The following GRM3 variants were observed in gnomAD, a reference collection of about 807,000 sequenced individuals.
GRM3 encodes glutamate metabotropic receptor 3.
A neutral mutation model predicts 70.5 loss-of-function variants in GRM3; 26 were observed. That is an observed-to-expected ratio of 0.37 (90% CI 0.27 to 0.51). The LOEUF (loss-of-function observed/expected upper bound fraction) is 0.51. Among genes scored for constraint, GRM3 ranks in the 20% least tolerant of loss-of-function variants. The pLI, the probability that GRM3 is intolerant of heterozygous loss-of-function variation, is 0.93. For missense variants in GRM3, 859 were observed against 1,123.8 expected (o/e 0.76, Z 3.37); for synonymous variants, 443 against 434.9 (o/e 1.02, Z -0.23).
At chr7:86,656,312 C>A (rs1358960922) in intron 1 of GRM3, among the ~76,000 whole-genome samples, 6 of 125,514 alleles carry the variant, frequency 4.8e-5, no homozygotes, top group African/African-American at 1.5e-4. Context: ...GTTGCCCAGG[C>A]TGGAGTGCAG....
At chr7:86,648,009 T>C (rs2115754696) in intron 1 of GRM3, among the ~76,000 whole-genome samples, 1 of 152,356 alleles carries the variant, frequency 6.6e-6, no homozygotes, top group South Asian at 2.1e-4. Context: ...ATTCCTATTA[T>C]AAACCTTCTG....
intron 1 of GRM3, among the ~76,000 whole-genome samples, chr7:86,660,283 T>A (rs1331522961): frequency 6.6e-6 from 1 of 152,046 alleles, no homozygotes; most frequent in African/African-American, 2.4e-5. Context: ...GCGAATTAAT[T>A]GTGCAGTTTA....
chr7:86,652,391 C>T (rs1050209669), intron 1 of GRM3, among the ~76,000 whole-genome samples: 16 of 152,080 alleles, frequency 1.1e-4, no homozygotes, highest in African/African-American at 2.9e-4. Flanking sequence ...AGTGCAGTGA[C>T]GCAATCTCGG....
chr7:86,850,276 G>C, intron 4 of GRM3, 94 bp from the exon 5 acceptor site: 1 of 782,196 alleles, frequency 1.3e-6, no homozygotes, highest in Non-Finnish European at 2.2e-6. Context: ...AATTATTCTG[G>C]ATTTTTCATT....
chr7:86,789,829 G>A (rs974281633), intron 3 of GRM3, among the ~76,000 whole-genome samples: 2 of 152,340 alleles, frequency 1.3e-5, no homozygotes, highest in South Asian at 4.1e-4. Context: ...GTACTCAGAT[G>A]TGTTCCCACT....
intron 1 of GRM3, among the ~76,000 whole-genome samples, chr7:86,688,762 T>A (rs1794625983): frequency 6.7e-6 from 1 of 148,322 alleles, no homozygotes; most frequent in African/African-American, 2.5e-5. Flanking sequence ...TATATATCTC[T>A]CACATATATA....
intron 5 of GRM3, among the ~76,000 whole-genome samples, chr7:86,857,757 A>AT (rs1798877103): frequency 6.6e-6 from 1 of 152,126 alleles, no homozygotes; most frequent in African/African-American, 2.4e-5. Flanking sequence ...CTGAAAACAT[A>AT]TTTTGATAGA....
At chr7:86,671,473 C>A (rs802453) in intron 1 of GRM3, among the ~76,000 whole-genome samples, 5 of 152,178 alleles carry the variant, frequency 3.3e-5, no homozygotes, top group African/African-American at 1.2e-4. Context: ...TTACCAAATT[C>A]TGTGCCCATA....
At position 86,812,005 on chromosome 7, in the gene GRM3, G is replaced by C. The variant is rs370710816; in HGVS notation, c.1324+24889G>C. ...TATATAATAAGTTTCTGTACTTACA[G>C]ACTGTACACTCAGTAATGATAAAGA... is the stretch of plus-strand genomic sequence containing the variant. On this transcript the variant is annotated intron_variant, in intron 3 of 5. Transcript: ENST00000361669. Among the ~76,000 whole-genome samples, 28 of 151,606 alleles carry C rather than the reference G, an allele frequency of 1.8e-4. No individual in the cohort carries two copies. The East Asian group carries it at 5.0e-3, about 27-fold the overall frequency.
chr7:86,850,053 T>G (rs768361614), intron 4 of GRM3, among the ~76,000 whole-genome samples: 5 of 152,330 alleles, frequency 3.3e-5, no homozygotes, highest in South Asian at 2.1e-4. Context: ...CTATTTAAGA[T>G]TCCACCTTCT....
intron 3 of GRM3, among the ~76,000 whole-genome samples, chr7:86,815,236 C>T (rs1257931184): frequency 2.0e-5 from 3 of 151,700 alleles, no homozygotes; most frequent in African/African-American, 4.8e-5. Flanking sequence ...CAGGAGCTTG[C>T]CTTCACATTA....
At chr7:86,806,063 G>A (rs980987700) in intron 3 of GRM3, among the ~76,000 whole-genome samples, 1 of 151,994 alleles carries the variant, frequency 6.6e-6, no homozygotes, top group Non-Finnish European at 1.5e-5. Context: ...CCATGTCCCT[G>A]CAAAGGACAT....
intron 4 of GRM3, among the ~76,000 whole-genome samples, chr7:86,842,993 AGAAG>A (rs1378000862): frequency 6.6e-6 from 1 of 152,146 alleles, no homozygotes; most frequent in Non-Finnish European, 1.5e-5. Flanking sequence ...AGAACCAACC[AGAAG>A]GAAGCCATAT....
At chr7:86,782,043 C>T (rs1797078837) in intron 2 of GRM3, among the ~76,000 whole-genome samples, 1 of 152,148 alleles carries the variant, frequency 6.6e-6, no homozygotes, top group Non-Finnish European at 1.5e-5. Flanking sequence ...ATGCTGATTC[C>T]TAGTACTTTC....
At chr7:86,692,733 CA>C (rs1240627272) in intron 1 of GRM3, among the ~76,000 whole-genome samples, 1 of 152,094 alleles carries the variant, frequency 6.6e-6, no homozygotes, top group Non-Finnish European at 1.5e-5. Context: ...ACATACTAGG[CA>C]CATAAAATAT....
chr7:86,814,762 T>C (rs1378018699), intron 3 of GRM3, among the ~76,000 whole-genome samples: 3 of 151,382 alleles, frequency 2.0e-5, no homozygotes, highest in Non-Finnish European at 4.4e-5. Context: ...TTAATCTCTT[T>C]ATAATTGCAA....
chr7:86,724,367 C>A lies in GRM3; in HGVS notation c.-140-40639C>A, dbSNP rs145554517. Among the ~76,000 whole-genome samples the A allele has an allele frequency of 1.7e-3, 266 of 152,248 alleles. 5 individuals carry two copies. In the East Asian group the frequency reaches 0.041, roughly 24 times the overall value. Reference sequence around the variant, plus strand: ...GCAAGGCACTAACAGTAGAATTGAACTTTCATTAGTGCAGAGTGTAACCAC... The same window carrying A: ...GCAAGGCACTAACAGTAGAATTGAAATTTCATTAGTGCAGAGTGTAACCAC... On this transcript the variant is annotated intron_variant, in intron 1 of 5. Coordinates refer to ENST00000361669, the MANE Select transcript of GRM3 (RefSeq NM_000840.3).
chr7:86,770,556 G>A (rs1796713977), intron 2 of GRM3, among the ~76,000 whole-genome samples: 1 of 151,960 alleles, frequency 6.6e-6, no homozygotes, highest in Non-Finnish European at 1.5e-5. Flanking sequence ...TGGGGAAGAG[G>A]GAAGAGCATA....
At chr7:86,714,438 G>A (rs1430970614) in intron 1 of GRM3, among the ~76,000 whole-genome samples, 1 of 151,776 alleles carries the variant, frequency 6.6e-6, no homozygotes, top group Non-Finnish European at 1.5e-5. Context: ...TGAGAAAAAT[G>A]TGACTATTAT....
Sources: gnomAD v4.1 joint callset for allele counts (sites outside exome capture counted in the v4.1 genomes callset) on GRCh38, gnomAD v4.1.1 for gene constraint, MANE v1.5 for transcripts, NCBI Gene and HGNC (gene_info 2026-07-23, HGNC 2026-07-21) for gene names.